ASB7: variants seen among roughly 807,000 people sequenced by gnomAD.
ASB7 encodes ankyrin repeat and SOCS box containing 7, also known as ankyrin repeat and SOCS box protein 7.
A neutral mutation model predicts 32.5 loss-of-function variants in ASB7; 4 were observed. That is an observed-to-expected ratio of 0.12 (90% CI 0.06 to 0.28). ASB7 has a LOEUF of 0.28. Among genes scored for constraint, ASB7 ranks in the 10% least tolerant of loss-of-function variants. The pLI is 1.00. For synonymous variants in ASB7, 172 were observed against 155.6 expected, an observed-to-expected ratio of 1.11 and a Z score of -0.78; for missense variants, 181 against 407.1, an observed-to-expected ratio of 0.44 and a Z score of 4.78.
chr15:100,608,948 C>T (rs1054199751), intron 2 of ASB7, among the ~76,000 whole-genome samples: 1 of 152,150 alleles, frequency 6.6e-6, no homozygotes. Context: ...TGCTCACCCA[C>T]CGTCAGGGGA....
chr15:100,619,952 C>G (rs983831922), intron 4 of ASB7, among the ~76,000 whole-genome samples: 1 of 152,194 alleles, frequency 6.6e-6, no homozygotes, highest in Non-Finnish European at 1.5e-5. Flanking sequence ...CCTGTGCTGT[C>G]CATAGCAGGT....
chr15:100,645,821 C>A, intron 5 of ASB7: 1 of 1,295,172 alleles, frequency 7.7e-7, no homozygotes. Flanking sequence ...TTGCCAAACG[C>A]GACATCCCAC....
intron 2 of ASB7, among the ~76,000 whole-genome samples, chr15:100,607,388 C>T (rs144190043): frequency 2.0e-5 from 3 of 152,144 alleles, no homozygotes; most frequent in African/African-American, 4.8e-5. Context: ...CTCTGTCAGG[C>T]GCAGCTCTCA....
intron 5 of ASB7, chr15:100,646,106 G>T: frequency 2.5e-6 from 1 of 395,950 alleles, no homozygotes. Flanking sequence ...TCTACACTTG[G>T]GCAGCAGCAT....
chr15:100,642,907 C>T (rs763274935), intron 5 of ASB7, among the ~76,000 whole-genome samples: 1 of 152,204 alleles, frequency 6.6e-6, no homozygotes, highest in East Asian at 1.9e-4. Flanking sequence ...CGTGGTGATG[C>T]ATGCCTGTAG....
At chr15:100,634,813 A>T (rs551422521) in intron 5 of ASB7, among the ~76,000 whole-genome samples, 17 of 152,272 alleles carry the variant, frequency 1.1e-4, no homozygotes, top group African/African-American at 4.1e-4. Flanking sequence ...CAAAAGAAAG[A>T]AAGAAAGAAA....
intron 5 of ASB7, among the ~76,000 whole-genome samples, chr15:100,641,649 G>A (rs972484458): frequency 6.6e-5 from 10 of 152,198 alleles, no homozygotes; most frequent in African/African-American, 1.9e-4. Flanking sequence ...CCACTAATGG[G>A]TTTCCAGTTG....
intron 3 of ASB7, among the ~76,000 whole-genome samples, chr15:100,611,819 CT>C (rs11350952): frequency 0.59 from 66,916 of 112,698 alleles, 18,607 homozygotes; most frequent in East Asian, 0.76. Flanking sequence ...TATATTGCTA[CT>C]TTTTTTTTTT....
intron 5 of ASB7, chr15:100,646,746 A>C (rs2039999548): frequency 6.3e-6 from 1 of 159,472 alleles, no homozygotes; most frequent in Non-Finnish European, 1.4e-5. Flanking sequence ...GAGACAGCTC[A>C]AAATTACACT....
chr15:100,610,100 C>T (rs935419850), intron 3 of ASB7, among the ~76,000 whole-genome samples: 1 of 152,204 alleles, frequency 6.6e-6, no homozygotes, highest in African/African-American at 2.4e-5. Context: ...TCAGCATTTT[C>T]TCTCATAACA....
chr15:100,648,388 C>G lies in ASB7; in HGVS notation c.883C>G (p.Leu295Val). Residue 295 changes from leucine to valine, a missense_variant, in exon 6 of 6, where the codon CTA becomes GTA. Leu to Val is a conservative substitution (Grantham distance 32). Coordinates refer to ENST00000332783, the MANE Select transcript of ASB7 (RefSeq NM_198243.3). ...KIRQCIGLQN[L>V]KLLDELPIAK... ...TCGACAATGTATAGGCCTTCAAAAC[C>G]TAAAGCTACTTGATGAACTACCAAT... 1 of 1,610,538 alleles carries G rather than the reference C, an allele frequency of 6.2e-7. No individual in the cohort carries two copies. Among genetic ancestry groups the G allele is most frequent in the Non-Finnish European group, 8.5e-7 (1 of 1,177,004 alleles).
At chr15:100,620,023 A>G (rs1382907552) in intron 4 of ASB7, among the ~76,000 whole-genome samples, 2 of 152,248 alleles carry the variant, frequency 1.3e-5, no homozygotes, top group Non-Finnish European at 2.9e-5. Flanking sequence ...CACAGTAGCC[A>G]TGTTTTAAAT....
At position 100,629,908 on chromosome 15, in the gene ASB7, T is replaced by C; in HGVS notation, c.683T>C (p.Leu228Pro). The change falls in exon 5 of 6, where the codon CTG becomes CCG. Residue 228 changes from leucine to proline, a missense_variant. Transcript: ENST00000332783. The surrounding 1 kb of genome is among the most constrained non-coding windows in gnomAD (Gnocchi z 6.8). ...TTATCTGCCCTTAGGGATGATGTGC[T>C]GTGTGCACGGATGTTATATAATTAC... ...LHLSALRDDV[L>P]CARMLYNYGA... The C allele has an allele frequency of 6.2e-7, 1 of 1,614,226 alleles. No individual in the cohort carries two copies.
In ASB7 at chr15:100,649,136, G is replaced by T. The variant is rs1007117216; in HGVS notation, c.*674G>T. ...ACACTACCCTGAGACACTGCATCTC[G>T]ATTTCTATCTCTAGTTAGAGTTGTA... On this transcript the variant is annotated 3_prime_UTR_variant, in exon 6 of 6. Coordinates refer to ENST00000332783, the MANE Select transcript of ASB7 (RefSeq NM_198243.3). The T allele has an allele frequency of 6.6e-6, 1 of 152,178 alleles. No individual in the cohort carries two copies. The highest frequency in any genetic ancestry group is 2.4e-5 in the African/African-American group (1 of 41,264). The allele number at this position is 152,178 out of a possible 1,614,324, so 9.4% of individuals were successfully genotyped here.
intron 5 of ASB7, among the ~76,000 whole-genome samples, chr15:100,642,891 G>A (rs554675698): frequency 2.6e-5 from 4 of 152,332 alleles, no homozygotes; most frequent in East Asian, 1.9e-4. Context: ...ACAAAAATTA[G>A]CCAGGCGTGG....
intron 4 of ASB7, among the ~76,000 whole-genome samples, chr15:100,627,369 G>C (rs58238986): frequency 1.3e-5 from 2 of 152,180 alleles, no homozygotes; most frequent in Non-Finnish European, 2.9e-5. Flanking sequence ...ATGTTTTCAC[G>C]TCTTGTCCAT....
intron 5 of ASB7, chr15:100,645,367 C>T (rs555072829): frequency 3.8e-6 from 1 of 263,232 alleles, no homozygotes; most frequent in Admixed American, 4.9e-5. Context: ...TTTCATGATT[C>T]TCTACCAATT....
At chr15:100,640,754 C>T (rs562560779) in intron 5 of ASB7, among the ~76,000 whole-genome samples, 18 of 152,252 alleles carry the variant, frequency 1.2e-4, no homozygotes, top group Admixed American at 2.0e-4. Flanking sequence ...ATCATAAAAA[C>T]GGTAATGGCG....
In ASB7 at chr15:100,650,384, G is replaced by T. The variant is rs982909941; in HGVS notation, c.*1922G>T. 2.0e-5 allele frequency: 3 copies of T among 152,190 alleles called. No homozygotes were observed. Among genetic ancestry groups the T allele is most frequent in the South Asian group, 4.1e-4 (2 of 4,828 alleles). 9.4% of individuals were successfully genotyped at this position (152,190 alleles called of 1,614,324 possible). A position where few individuals can be genotyped will look rare whatever the true frequency, so the allele number is the denominator to read the frequency against. On this transcript the variant is annotated 3_prime_UTR_variant, in exon 6 of 6. Transcript: ENST00000332783. The stretch of plus-strand genomic sequence containing the variant: ...GCTAGTTCACACTAGCACTGTTAGG[G>T]ACATGGTGTGGCTAGAAATGAATTG...
Sources: allele counts gnomAD v4.1 joint callset (sites outside exome capture counted in the v4.1 genomes callset), GRCh38; gene constraint gnomAD v4.1.1; non-coding constraint Gnocchi (gnomAD v3.1); transcripts MANE v1.5; gene names NCBI Gene and HGNC (gene_info 2026-07-23, HGNC 2026-07-21).